SENP2: variants seen among roughly 807,000 people sequenced by gnomAD.
SENP2 encodes SUMO specific peptidase 2, also known as sentrin-specific protease 2.
In SENP2, 16 loss-of-function variants were observed where a neutral mutation model predicts 86.3. The ratio of observed to expected loss-of-function variants is 0.19; its 90% confidence interval spans 0.13 to 0.28. The LOEUF (loss-of-function observed/expected upper bound fraction) is 0.28. SENP2 is among the 10% of genes least tolerant of loss of function. The probability of loss-of-function intolerance (pLI) is 1.00; values close to 1 mark genes in which losing one functional copy is unlikely to be tolerated. For missense variants in SENP2, 552 were observed against 703.0 expected (o/e 0.79, Z 2.43); for synonymous variants, 222 against 238.7 (o/e 0.93, Z 0.64).
intron 6 of SENP2, chr3:185,609,023 G>C (rs1722602500): frequency 2.7e-6 from 1 of 370,806 alleles, no homozygotes; most frequent in South Asian, 5.9e-5. Flanking sequence ...GTGGGCTGGA[G>C]AGCAGTGGCC....
intron 2 of SENP2, among the ~76,000 whole-genome samples, chr3:185,596,484 G>C (rs1722177145): frequency 6.6e-6 from 1 of 151,918 alleles, no homozygotes; most frequent in South Asian, 2.1e-4. Context: ...AGCCAGACAT[G>C]GTGGTGCATG....
chr3:185,617,921 T>C (rs6791954), intron 12 of SENP2, among the ~76,000 whole-genome samples: 44,806 of 151,974 alleles, frequency 0.29, 7,119 homozygotes, highest in African/African-American at 0.41. Flanking sequence ...TGAATTCTTA[T>C]AGTAGCTATT....
intron 7 of SENP2, 104 bp from the exon 8 acceptor site, chr3:185,611,547 A>G: frequency 1.5e-6 from 1 of 647,690 alleles, no homozygotes; most frequent in Non-Finnish European, 2.7e-6. Context: ...ATAATAGTGT[A>G]ATCAATCACC....
In SENP2 at chr3:185,629,916, G is replaced by A; in HGVS notation, c.*72G>A. The A allele has an allele frequency of 1.4e-6, 2 of 1,448,854 alleles. No homozygotes were observed. 89.7% of individuals were successfully genotyped at this position (1,448,854 alleles called of 1,614,324 possible). On this transcript the variant is annotated 3_prime_UTR_variant, in exon 17 of 17. Transcript: ENST00000296257. ...CATTTCCATATACCTCATGCATTGT[G>A]GGTTAAAAAGTCCCTGCATCACTTC... is the stretch of plus-strand genomic sequence containing the variant.
chr3:185,590,322 C>G (rs972181511), intron 2 of SENP2, among the ~76,000 whole-genome samples, 153 bp downstream of exon 2: 1 of 152,066 alleles, frequency 6.6e-6, no homozygotes, highest in Non-Finnish European at 1.5e-5. Context: ...CCAAGGCAGG[C>G]GGATCACCTG....
chr3:185,618,754 C>G (rs1448370321), intron 12 of SENP2, among the ~76,000 whole-genome samples: 1 of 151,978 alleles, frequency 6.6e-6, no homozygotes, highest in African/African-American at 2.4e-5. Flanking sequence ...TGGCGGGTAC[C>G]TGTAGTCCCA....
chr3:185,586,365 G>C lies in SENP2; in HGVS notation c.-49G>C, dbSNP rs772576425. ...GGCGGCAGCGGCGGCGACAGCTCTG[G>C]GGTTTGCGTCTCGGGGTGTGTCGGC... On this transcript the variant is annotated 5_prime_UTR_variant, in exon 1 of 17. Transcript: ENST00000296257. This position sits in a 1 kb window ranked among gnomAD's most constrained non-coding sequence, Gnocchi z 4.3. 6.3e-5 allele frequency: 101 copies of C among 1,611,468 alleles called. No individual in the cohort carries two copies. In the East Asian group the frequency reaches 2.2e-3, roughly 35 times the overall value.
rs1331255759 is a variant in SENP2, at chr3:185,632,834, GTTT to G, written c.*2993_*2995del. The stretch of plus-strand genomic sequence containing the variant: ...CCATTGCACCTGTCCCTGCCAGTGT[GTTT>G]TTAAAATAGTTTAGGGGGTTGAGAA... On this transcript the variant is annotated 3_prime_UTR_variant, in exon 17 of 17. Coordinates refer to ENST00000296257, the MANE Select transcript of SENP2 (RefSeq NM_021627.3). 6.6e-6 allele frequency: 1 copy of G among 152,230 alleles called. No individual in the cohort carries two copies. Among genetic ancestry groups the G allele is most frequent in the Non-Finnish European group, 1.5e-5 (1 of 68,054 alleles). The allele number at this position is 152,230 out of a possible 1,614,324, so 9.4% of individuals were successfully genotyped here.
At chr3:185,598,912 G>T (rs1722258510) in intron 3 of SENP2, 46 bp from the exon 4 acceptor site, 1 of 1,447,830 alleles carries the variant, frequency 6.9e-7, no homozygotes, top group Non-Finnish European at 9.6e-7. Context: ...AGTTATTTAG[G>T]TGACAAAATT....
Position 185,631,435 on chromosome 3 carries a change from C to G in SENP2, c.*1591C>G, listed in dbSNP as rs867588157. The G allele has an allele frequency of 1.1e-4, 2 of 18,752 alleles. No individual in the cohort carries two copies. Among genetic ancestry groups the G allele is most frequent in the African/African-American group, 3.2e-4 (1 of 3,168 alleles). 1.2% of individuals were successfully genotyped at this position (18,752 alleles called of 1,614,324 possible). ...GTTGTACCACACCTCTCCCCCCCCC[C>G]TCCCACTCCCCCTCCCTCCCTCTCC... is the stretch of plus-strand genomic sequence containing the variant. On this transcript the variant is annotated 3_prime_UTR_variant, in exon 17 of 17. Transcript: ENST00000296257.
At chr3:185,619,259 T>A (rs1443666998) in intron 12 of SENP2, 40 bp from the exon 13 acceptor site, 1 of 1,412,968 alleles carries the variant, frequency 7.1e-7, no homozygotes, top group Non-Finnish European at 1.0e-6. Flanking sequence ...TGATAATATG[T>A]TTGCCATGTT....
At chr3:185,605,253 C>T (rs1035985594) in intron 5 of SENP2, among the ~76,000 whole-genome samples, 1 of 151,542 alleles carries the variant, frequency 6.6e-6, no homozygotes, top group Admixed American at 6.6e-5. Flanking sequence ...CGCCTGTAAC[C>T]CCAGCTACAC....
chr3:185,621,176 A>G (rs1248023208), intron 13 of SENP2, among the ~76,000 whole-genome samples: 39 of 146,606 alleles, frequency 2.7e-4, no homozygotes, highest in Middle Eastern at 3.5e-3. Context: ...AAAAAAAAAA[A>G]AGAGAGAGAG....
At chr3:185,620,807 G>A (rs530831134) in intron 13 of SENP2, among the ~76,000 whole-genome samples, 1 of 151,664 alleles carries the variant, frequency 6.6e-6, no homozygotes, top group South Asian at 2.1e-4. Context: ...TATTTATTTA[G>A]TTTTGTTTAC....
chr3:185,626,265 C>A, intron 15 of SENP2, 33 bp from the exon 16 acceptor site: 1 of 1,392,672 alleles, frequency 7.2e-7, no homozygotes. Context: ...ATGTTTTACC[C>A]TTTCCTCTCT....
chr3:185,606,219 A>T lies in SENP2; in HGVS notation c.450-111A>T. On this transcript the variant is annotated intron_variant, in intron 5 of 16. Coordinates refer to ENST00000296257, the MANE Select transcript of SENP2 (RefSeq NM_021627.3). The stretch of plus-strand genomic sequence containing the variant: ...CATAATTGTACTTGTCTGACTTGCC[A>T]GGAGTAAGCTTGACCTAAAGCAACT... 2.2e-6 allele frequency: 2 copies of T among 912,488 alleles called. 1 individual carries two copies. The highest frequency in any genetic ancestry group is 3.7e-5 in the South Asian group (2 of 53,406). The allele number at this position is 912,488 out of a possible 1,614,324, so 56.5% of individuals were successfully genotyped here. A position where few individuals can be genotyped will look rare whatever the true frequency, so the allele number is the denominator to read the frequency against.
rs1577734152 is a variant in SENP2, at chr3:185,613,331, A to G, written c.870-14A>G. 1 of 1,497,778 alleles carries G rather than the reference A, an allele frequency of 6.7e-7. No individual in the cohort carries two copies. Among genetic ancestry groups the G allele is most frequent in the Non-Finnish European group, 9.3e-7 (1 of 1,080,258 alleles). The allele number at this position is 1,497,778 out of a possible 1,614,324, so 92.8% of individuals were successfully genotyped here. A position where few individuals can be genotyped will look rare whatever the true frequency, so the allele number is the denominator to read the frequency against. ...TCTAGCAGAAGTCTATCATCTCTCAATTTTTTTCCTTAGGTGTTCAAAGGG... is the reference window on the plus strand; with the variant it reads ...TCTAGCAGAAGTCTATCATCTCTCAGTTTTTTTCCTTAGGTGTTCAAAGGG... On this transcript the variant is annotated splice_polypyrimidine_tract_variant and intron_variant, in intron 9 of 16. Transcript: ENST00000296257.
rs1712364217 is a variant in SENP2 at position 185,630,384 on chromosome 3, G to C, written c.*540G>C. 6.6e-6 allele frequency: 1 copy of C among 152,594 alleles called. No homozygotes were observed. Among genetic ancestry groups the C allele is most frequent in the Admixed American group, 6.5e-5 (1 of 15,346 alleles). The allele number at this position is 152,594 out of a possible 1,614,324, so 9.5% of individuals were successfully genotyped here. ...AGGAAGTGGAGCTGGAGCAGTAACT[G>C]CCAACATGAAGCTGGAGGGTTTGGG... On this transcript the variant is annotated 3_prime_UTR_variant, in exon 17 of 17. Coordinates refer to ENST00000296257, the MANE Select transcript of SENP2 (RefSeq NM_021627.3).
chr3:185,626,522 C>T (rs1413097000), intron 16 of SENP2, 129 bp downstream of exon 16: 5 of 597,782 alleles, frequency 8.4e-6, no homozygotes, highest in Non-Finnish European at 1.4e-5. Flanking sequence ...CCTGTAATCC[C>T]AGCACTTTGG....
Sources: gnomAD v4.1 joint callset for allele counts (sites outside exome capture counted in the v4.1 genomes callset) on GRCh38, gnomAD v4.1.1 for gene constraint, Gnocchi (gnomAD v3.1) non-coding constraint, MANE v1.5 for transcripts, NCBI Gene and HGNC (gene_info 2026-07-23, HGNC 2026-07-21) for gene names.